KDM2B: variants seen among roughly 807,000 people sequenced by gnomAD.
The protein encoded by KDM2B is lysine demethylase 2B, also known as lysine-specific demethylase 2B.
A neutral mutation model predicts 150.0 loss-of-function variants in KDM2B; 26 were observed. That is an observed-to-expected ratio of 0.17 (90% CI 0.13 to 0.24). The LOEUF is 0.24. Ranked by LOEUF, KDM2B falls within the 10% of genes least tolerant of loss-of-function variation. The pLI, the probability that KDM2B is intolerant of heterozygous loss-of-function variation, is 1.00. For synonymous variants in KDM2B, 734 were observed against 729.5 expected (o/e 1.01, Z -0.10); for missense variants, 1,265 against 1,816.9 (o/e 0.70, Z 5.52).
At chr12:121,441,317 T>G in intron 19 of KDM2B, 84 bp from the exon 20 acceptor site, 1 of 1,341,352 alleles carries the variant, frequency 7.5e-7, no homozygotes, top group Non-Finnish European at 1.0e-6. Context: ...TGTCCCCACC[T>G]AACAACCTCT....
chr12:121,443,703 TGGATCTCCACCA>T lies in KDM2B; in HGVS notation c.2530_2541del (p.Trp844_Ser847del). On this transcript the variant is annotated inframe_deletion, in exon 17 of 23. Coordinates refer to ENST00000377071, the MANE Select transcript of KDM2B (RefSeq NM_032590.5). ...ACCTGCTGCTGGAAGTAAGTGAGAC[TGGATCTCCACCA>T]GGGGCTGAGGCTGCTGCCTAGAGGG... The T allele has an allele frequency of 6.2e-7, 1 of 1,611,148 alleles. No individual in the cohort carries two copies. The highest frequency in any genetic ancestry group is 8.5e-7 in the Non-Finnish European group (1 of 1,179,158).
chr12:121,504,157 T>C (rs1373353936), intron 11 of KDM2B, among the ~76,000 whole-genome samples: 1 of 152,124 alleles, frequency 6.6e-6, no homozygotes, highest in African/African-American at 2.4e-5. Flanking sequence ...TGGGCTCAAA[T>C]GATCCTCCTG....
Position 121,467,403 on chromosome 12 carries a change from G to T in KDM2B, c.1735-14059C>A, listed in dbSNP as rs1457414389. On this transcript the variant is annotated intron_variant, in intron 12 of 22. Transcript: ENST00000377071. This position sits in a 1 kb window ranked among gnomAD's most constrained non-coding sequence, Gnocchi z 5.1. Reference sequence around the variant, plus strand: ...TGGAGGGGGCGGGGAGGGGCCGGCGGGGGAGGGCCGGGGCGCCATGCATAT... The same window carrying T: ...TGGAGGGGGCGGGGAGGGGCCGGCGTGGGAGGGCCGGGGCGCCATGCATAT... The T allele has an allele frequency of 2.1e-6, 2 of 938,966 alleles. No individual in the cohort carries two copies. Among genetic ancestry groups the T allele is most frequent in the South Asian group, 4.8e-5 (1 of 20,650 alleles). 58.2% of individuals were successfully genotyped at this position (938,966 alleles called of 1,614,324 possible).
chr12:121,538,236 G>T (rs1351384795), intron 6 of KDM2B, among the ~76,000 whole-genome samples: 1 of 152,062 alleles, frequency 6.6e-6, no homozygotes, highest in Non-Finnish European at 1.5e-5. Flanking sequence ...CGCCCGGCCG[G>T]TGGGGGTGCA....
chr12:121,517,431 G>A (rs117417873), intron 9 of KDM2B, among the ~76,000 whole-genome samples: 2,770 of 151,876 alleles, frequency 0.018, 44 homozygotes, highest in Non-Finnish European at 0.027. Context: ...TTTAGATAGG[G>A]GTCCCCACCT....
intron 6 of KDM2B, among the ~76,000 whole-genome samples, chr12:121,543,539 A>C (rs1888769552): frequency 6.6e-6 from 1 of 151,924 alleles, no homozygotes; most frequent in African/African-American, 2.4e-5. Context: ...ATTTTTAAAA[A>C]GATCAGCCGG....
At chr12:121,524,485 G>A (rs189071744) in intron 8 of KDM2B, among the ~76,000 whole-genome samples, 18 of 152,304 alleles carry the variant, frequency 1.2e-4, no homozygotes, top group East Asian at 1.9e-4. Flanking sequence ...CCAGACACTC[G>A]AGGGATTCTA....
chr12:121,483,140 G>A (rs551916112), intron 12 of KDM2B, among the ~76,000 whole-genome samples: 20 of 151,916 alleles, frequency 1.3e-4, no homozygotes, highest in African/African-American at 3.6e-4. Context: ...TCCAGCCTGG[G>A]CAACAGAGCA....
intron 8 of KDM2B, among the ~76,000 whole-genome samples, chr12:121,529,700 C>A (rs1176002797): frequency 6.6e-6 from 1 of 151,058 alleles, no homozygotes; most frequent in African/African-American, 2.4e-5. Flanking sequence ...GAGGCCGAGG[C>A]GGGTGGATCA....
chr12:121,425,027 T>C (rs1490100290), downstream of KDM2B, among the ~76,000 whole-genome samples: 4 of 152,024 alleles, frequency 2.6e-5, no homozygotes, highest in Non-Finnish European at 5.9e-5. Flanking sequence ...AATGAGAAAC[T>C]TGGGCCAGGT....
At chr12:121,578,731 C>T in intron 2 of KDM2B, 71 bp downstream of exon 2, 2 of 1,308,842 alleles carry the variant, frequency 1.5e-6, no homozygotes, top group South Asian at 4.1e-5. Flanking sequence ...CGAACCCAGC[C>T]ACCGGCAGCT....
intron 9 of KDM2B, chr12:121,516,663 G>A (rs958964998): frequency 3.1e-5 from 21 of 681,856 alleles, no homozygotes; most frequent in South Asian, 3.9e-5. Flanking sequence ...CAGGTCATCC[G>A]TCTACCAGAG....
chr12:121,536,181 C>T, intron 6 of KDM2B: 2 of 805,172 alleles, frequency 2.5e-6, no homozygotes, highest in Non-Finnish European at 3.0e-6. Context: ...GGTGCCCCCT[C>T]CCTCTGGCTG....
rs1270962788 is a variant in KDM2B at position 121,513,939 on chromosome 12, G to A, written c.1048-537C>T. Among the ~76,000 whole-genome samples the A allele has an allele frequency of 1.3e-5, 2 of 152,148 alleles. No homozygotes were observed. Among genetic ancestry groups the A allele is most frequent in the Admixed American group, 1.3e-4 (2 of 15,264 alleles). ...GCCAGGCCAGCGGACCAATAAGAGTGAGGGGGTGTGGCCTCGCCTACCTCC... is the reference window on the plus strand; with the variant it reads ...GCCAGGCCAGCGGACCAATAAGAGTAAGGGGGTGTGGCCTCGCCTACCTCC... On this transcript the variant is annotated intron_variant, in intron 9 of 22. Transcript: ENST00000377071. The surrounding 1 kb of genome is among the most constrained non-coding windows in gnomAD (Gnocchi z 5.0).
Position 121,442,547 on chromosome 12 carries a change from A to T in KDM2B, c.2894T>A (p.Leu965Gln). 1 of 1,599,986 alleles carries T rather than the reference A, an allele frequency of 6.3e-7. No individual in the cohort carries two copies. Among genetic ancestry groups the T allele is most frequent in the Non-Finnish European group, 8.5e-7 (1 of 1,179,856 alleles). The part of the protein sequence containing the change: ...NHEIQRTENS[L>Q]ANENQQPIKS... The stretch of plus-strand genomic sequence containing the variant: ...GATGGGCTGCTGGTTCTCGTTGGCC[A>T]GGCTGTTCTCCGTCCTCTGGATCTC... Residue 965 changes from leucine to glutamine, a missense_variant, in exon 19 of 23, where the codon CTG (leucine) becomes CAG (glutamine). By Grantham distance (113) the Leu-to-Gln change is moderately radical. Around this residue, in one of 11 missense-constraint regions of KDM2B, gnomAD observed 418 missense variants for 402.4 expected, o/e 1.04. Coordinates refer to ENST00000377071, the MANE Select transcript of KDM2B (RefSeq NM_032590.5). The surrounding 1 kb of genome is among the most constrained non-coding windows in gnomAD (Gnocchi z 7.7).
rs564939647 is a variant in KDM2B, at chr12:121,524,788, G to A, written c.932-3688C>T. The A allele has an allele frequency of 3.3e-3, 1,341 of 411,798 alleles. 3 individuals carry two copies. The highest frequency in any genetic ancestry group is 5.6e-3 in the Non-Finnish European group (1,138 of 204,652). The allele number at this position is 411,798 out of a possible 1,614,324, so 25.5% of individuals were successfully genotyped here. A position where few individuals can be genotyped will look rare whatever the true frequency, so the allele number is the denominator to read the frequency against. ...CCTCCTGCTTCCAGCCAGAGTCATC[G>A]ACAATATGAAGGCAATAAACAGAGG... On this transcript the variant is annotated intron_variant, in intron 8 of 22. Coordinates refer to ENST00000377071, the MANE Select transcript of KDM2B (RefSeq NM_032590.5).
At chr12:121,481,307 G>C (rs1258498819) in intron 12 of KDM2B, among the ~76,000 whole-genome samples, 2 of 152,156 alleles carry the variant, frequency 1.3e-5, no homozygotes, top group East Asian at 3.8e-4. Flanking sequence ...CAGTGATTTA[G>C]AGCAGGTTTG....
chr12:121,543,321 G>A (rs1487862113), intron 6 of KDM2B, among the ~76,000 whole-genome samples: 5 of 151,992 alleles, frequency 3.3e-5, no homozygotes, highest in South Asian at 2.1e-4. Flanking sequence ...TCACCACTGC[G>A]CTCCAGCCTG....
In KDM2B at chr12:121,513,517, C is replaced by G. The variant is rs1293843223; in HGVS notation, c.1048-115G>C. ...GTGAGGGTCACTGTCATCATCTTAG[C>G]GAGAGCATGGATGGTCGGGGGAGAA... On this transcript the variant is annotated intron_variant, in intron 9 of 22. Transcript: ENST00000377071. The surrounding 1 kb of genome is among the most constrained non-coding windows in gnomAD (Gnocchi z 5.0). The G allele has an allele frequency of 1.7e-6, 2 of 1,182,656 alleles. No individual in the cohort carries two copies. The highest frequency in any genetic ancestry group is 4.8e-5 in the East Asian group (2 of 41,544). 73.3% of individuals were successfully genotyped at this position (1,182,656 alleles called of 1,614,324 possible). A position where few individuals can be genotyped will look rare whatever the true frequency, so the allele number is the denominator to read the frequency against.
Sources: gnomAD v4.1 joint callset for allele counts (sites outside exome capture counted in the v4.1 genomes callset) on GRCh38, gnomAD v4.1.1 for gene constraint, gnomAD v4.1.1 regional missense constraint, Gnocchi (gnomAD v3.1) non-coding constraint, MANE v1.5 for transcripts, NCBI Gene and HGNC (gene_info 2026-07-23, HGNC 2026-07-21) for gene names.